The following LTBP1 variants were observed in gnomAD, a reference collection of about 807,000 sequenced individuals.
LTBP1 encodes the protein latent transforming growth factor beta binding protein 1.
Under a neutral mutation model 207.6 loss-of-function variants are expected in LTBP1, and 129 were observed. The observed-to-expected ratio is 0.62, with a 90% CI of 0.54 to 0.72. LTBP1 has a LOEUF of 0.72. Ranked by LOEUF, LTBP1 falls within the 30% of genes least tolerant of loss-of-function variation. The probability of loss-of-function intolerance (pLI) is 0.00; values close to 1 mark genes in which losing one functional copy is unlikely to be tolerated. For missense variants in LTBP1, 2,281 were observed against 2,217.2 expected, an observed-to-expected ratio of 1.03 and a Z score of -0.58; for synonymous variants, 963 against 833.7, an observed-to-expected ratio of 1.16 and a Z score of -2.67.
At chr2:33,069,410 A>G (rs917766704) in intron 3 of LTBP1, among the ~76,000 whole-genome samples, 2 of 152,100 alleles carry the variant, frequency 1.3e-5, no homozygotes, top group Non-Finnish European at 2.9e-5. Context: ...TGTCATTCCC[A>G]CTTATGATCC....
intron 3 of LTBP1, among the ~76,000 whole-genome samples, chr2:33,073,478 T>G (rs1408109980): frequency 2.0e-5 from 3 of 152,202 alleles, no homozygotes; most frequent in South Asian, 2.1e-4. Flanking sequence ...CAAGGTATTA[T>G]GAGAACTGCA....
chr2:33,285,169 G>A (rs1264128346), intron 19 of LTBP1, among the ~76,000 whole-genome samples: 1 of 150,810 alleles, frequency 6.6e-6, no homozygotes, highest in Non-Finnish European at 1.5e-5. Context: ...AGCCTCCCGA[G>A]TAGCTGGGAT....
chr2:33,250,274 T>C (rs551488748), intron 10 of LTBP1, among the ~76,000 whole-genome samples: 1 of 152,328 alleles, frequency 6.6e-6, no homozygotes, highest in South Asian at 2.1e-4. Context: ...TGGCTTCAAA[T>C]AGTTGTAGAT....
chr2:33,062,829 G>A (rs558600733), intron 3 of LTBP1, among the ~76,000 whole-genome samples: 2 of 152,234 alleles, frequency 1.3e-5, no homozygotes, highest in Admixed American at 6.5e-5. Context: ...AGTATGTGCA[G>A]TGTGGATATG....
intron 5 of LTBP1, among the ~76,000 whole-genome samples, chr2:33,166,768 A>G (rs1053262998): frequency 6.6e-6 from 1 of 152,214 alleles, no homozygotes; most frequent in African/African-American, 2.4e-5. Context: ...AACTTGACAT[A>G]CCAAGTTATT....
intron 3 of LTBP1, among the ~76,000 whole-genome samples, chr2:33,051,336 G>T (rs898333735): frequency 6.6e-6 from 1 of 152,068 alleles, no homozygotes; most frequent in Admixed American, 6.6e-5. Flanking sequence ...GGGATTACTT[G>T]AGTCCAGGAG....
chr2:33,043,377 T>C (rs893126627), intron 3 of LTBP1, among the ~76,000 whole-genome samples: 9 of 152,170 alleles, frequency 5.9e-5, no homozygotes, highest in African/African-American at 1.7e-4. Flanking sequence ...TATGTAACTA[T>C]AATTATAAAA....
At chr2:33,307,519 A>T (rs2094117491) in intron 22 of LTBP1, among the ~76,000 whole-genome samples, 1 of 152,236 alleles carries the variant, frequency 6.6e-6, no homozygotes, top group South Asian at 2.1e-4. Context: ...TTATGCCGAG[A>T]GGAAGAAGCC....
At chr2:33,368,827 A>G (rs190616530) in intron 31 of LTBP1, among the ~76,000 whole-genome samples, 221 of 152,324 alleles carry the variant, frequency 1.5e-3, no homozygotes, top group Admixed American at 2.7e-3. Flanking sequence ...CAGTGGGCCA[A>G]GATCGCACCA....
At position 32,947,836 on chromosome 2, in the gene LTBP1, T is replaced by TCCGC. The variant is rs570963430; in HGVS notation, c.494+32_494+35dup. Reference sequence around the variant, plus strand: ...CTGCAGGGGTAAGCCCACACCCCCTTCCGCCCGCCCGCCCGCCTCGCGCGC... The same window carrying TCCGC: ...CTGCAGGGGTAAGCCCACACCCCCTTCCGCCCGCCCGCCCGCCCGCCTCGCGCGC... On this transcript the variant is annotated intron_variant, in intron 1 of 33. Coordinates refer to ENST00000404816, the MANE Select transcript of LTBP1 (RefSeq NM_206943.4). The TCCGC allele has an allele frequency of 4.9e-3, 6,354 of 1,289,596 alleles. 39 individuals are homozygous for TCCGC. Among genetic ancestry groups the TCCGC allele is most frequent in the South Asian group, 0.039 (1,391 of 35,726 alleles). 79.9% of individuals were successfully genotyped at this position (1,289,596 alleles called of 1,614,324 possible).
At chr2:33,372,742 CA>C (rs912876761) in intron 31 of LTBP1, among the ~76,000 whole-genome samples, 1 of 152,110 alleles carries the variant, frequency 6.6e-6, no homozygotes, top group Non-Finnish European at 1.5e-5. Flanking sequence ...CGCATGCCTG[CA>C]ATCCTAGCTA....
chr2:32,969,754 A>T (rs1680580038), intron 2 of LTBP1, among the ~76,000 whole-genome samples: 1 of 152,104 alleles, frequency 6.6e-6, no homozygotes, highest in African/African-American at 2.4e-5. Context: ...ATGTGTCTTT[A>T]TGTTAGAATG....
rs1362654851 is a variant in LTBP1 at position 33,188,753 on chromosome 2, C to A, written c.1603C>A (p.His535Asn). 7 of 1,614,074 alleles carry A rather than the reference C, an allele frequency of 4.3e-6. No homozygotes were observed. In the Admixed American group the frequency reaches 1.0e-4, roughly 23 times the overall value. The change falls in exon 7 of 34, where the codon CAT (histidine) becomes AAT (asparagine). Residue 535 changes from histidine to asparagine, a missense_variant. His to Asn is a moderately conservative substitution (Grantham distance 68, BLOSUM62 1). This residue lies in a region of LTBP1 where 1,671 missense variants were observed against 1,634.8 expected (regional missense o/e 1.02). Coordinates refer to ENST00000404816, the MANE Select transcript of LTBP1 (RefSeq NM_206943.4). Reference protein sequence around the residue: ...GLPVQKTQTIHSTYSHQQVIP... With the variant: ...GLPVQKTQTINSTYSHQQVIP... The stretch of plus-strand genomic sequence containing the variant: ...TCCTGTCCAGAAGACCCAGACCATA[C>A]ATTCCACATACTCCCACCAGCAGGT...
intron 31 of LTBP1, among the ~76,000 whole-genome samples, chr2:33,367,364 G>T (rs1287085694): frequency 6.6e-6 from 1 of 152,026 alleles, no homozygotes; most frequent in Non-Finnish European, 1.5e-5. Flanking sequence ...TTTTTATATT[G>T]ATATATTTAG....
At chr2:33,214,920 CAG>C (rs2090568691) in intron 7 of LTBP1, among the ~76,000 whole-genome samples, 1 of 150,840 alleles carries the variant, frequency 6.6e-6, no homozygotes, top group Non-Finnish European at 1.5e-5. Context: ...TTGCTTAACT[CAG>C]AATGTCTTTA....
At chr2:33,240,956 G>A (rs1040682886) in intron 9 of LTBP1, among the ~76,000 whole-genome samples, 14 of 152,054 alleles carry the variant, frequency 9.2e-5, no homozygotes, top group African/African-American at 3.4e-4. Flanking sequence ...GGCCAGAAAC[G>A]TTCTTAATCA....
intron 4 of LTBP1, among the ~76,000 whole-genome samples, chr2:33,127,143 A>G (rs1384964204): frequency 2.0e-5 from 3 of 152,176 alleles, no homozygotes; most frequent in Admixed American, 6.5e-5. Context: ...CAAGACATCT[A>G]CTTCTGGCCT....
At chr2:33,329,978 C>A (rs1277187701) in intron 24 of LTBP1, among the ~76,000 whole-genome samples, 1 of 151,952 alleles carries the variant, frequency 6.6e-6, no homozygotes, top group Non-Finnish European at 1.5e-5. Flanking sequence ...GGAGGTTTGG[C>A]ATTTTACAGT....
intron 7 of LTBP1, among the ~76,000 whole-genome samples, chr2:33,211,435 G>A (rs1224664174): frequency 6.6e-6 from 1 of 152,210 alleles, no homozygotes; most frequent in Non-Finnish European, 1.5e-5. Flanking sequence ...GGTTGATGGA[G>A]TCCCAGTATC....
Sources: gnomAD v4.1 joint callset for allele counts (sites outside exome capture counted in the v4.1 genomes callset) on GRCh38, gnomAD v4.1.1 for gene constraint, gnomAD v4.1.1 regional missense constraint, MANE v1.5 for transcripts, NCBI Gene and HGNC (gene_info 2026-07-23, HGNC 2026-07-21) for gene names.